KAZN: variants seen among roughly 807,000 people sequenced by gnomAD.
The protein encoded by KAZN is kazrin.
Under a neutral mutation model 87.4 loss-of-function variants are expected in KAZN, and 40 were observed. The ratio of observed to expected loss-of-function variants is 0.46; its 90% CI spans 0.36 to 0.60. The LOEUF is 0.60. Among genes scored for constraint, KAZN ranks in the 20% least tolerant of loss-of-function variants. The pLI, the probability that KAZN is intolerant of heterozygous loss-of-function variation, is 0.00. For missense variants in KAZN, 898 were observed against 1,073.9 expected, an observed-to-expected ratio of 0.84 and a Z score of 2.29; for synonymous variants, 466 against 458.3, an observed-to-expected ratio of 1.02 and a Z score of -0.22.
intron 2 of KAZN, among the ~76,000 whole-genome samples, chr1:14,556,823 C>T (rs1673910337): frequency 6.6e-6 from 1 of 152,142 alleles, no homozygotes; most frequent in South Asian, 2.1e-4. Flanking sequence ...GACATTCTAT[C>T]CCCGATTTTA....
At chr1:15,033,197 G>A (rs770553799) in intron 2 of KAZN, among the ~76,000 whole-genome samples, 1 of 152,146 alleles carries the variant, frequency 6.6e-6, no homozygotes, top group Non-Finnish European at 1.5e-5. Flanking sequence ...GTGGATTTTG[G>A]TGTCCACAGG....
At chr1:13,929,242 G>A (rs993709176) in intron 1 of KAZN, among the ~76,000 whole-genome samples, 2 of 152,020 alleles carry the variant, frequency 1.3e-5, no homozygotes, top group African/African-American at 2.4e-5. Context: ...GTGGAGTTGG[G>A]CCCCTTGGAC....
chr1:14,405,677 A>T (rs1017280000), intron 2 of KAZN, among the ~76,000 whole-genome samples: 5 of 150,468 alleles, frequency 3.3e-5, no homozygotes, highest in African/African-American at 1.2e-4. Flanking sequence ...TATTATAAGG[A>T]ATTGGCACTC....
chr1:14,075,805 C>T (rs1643433112), intron 1 of KAZN, among the ~76,000 whole-genome samples: 1 of 152,088 alleles, frequency 6.6e-6, no homozygotes. Context: ...TTAGCAGCAT[C>T]CTTGGCCTCT....
At chr1:13,895,571 T>C (rs1639007261) in intron 1 of KAZN, among the ~76,000 whole-genome samples, 1 of 150,998 alleles carries the variant, frequency 6.6e-6, no homozygotes, top group African/African-American at 2.4e-5. Flanking sequence ...TCATTAACCT[T>C]AAGTCAAAAG....
intron 1 of KAZN, among the ~76,000 whole-genome samples, chr1:14,008,551 C>T (rs562885164): frequency 7.9e-5 from 12 of 152,298 alleles, no homozygotes; most frequent in African/African-American, 2.4e-4. Flanking sequence ...GGGGATACAG[C>T]TCTGAAAAGG....
chr1:14,463,897 C>T (rs1203706458), intron 2 of KAZN, among the ~76,000 whole-genome samples: 1 of 152,208 alleles, frequency 6.6e-6, no homozygotes, highest in Non-Finnish European at 1.5e-5. Context: ...GTGACCCAGG[C>T]ATTCCCAGGA....
chr1:14,966,475 G>A (rs962924433), intron 2 of KAZN, among the ~76,000 whole-genome samples: 11 of 152,134 alleles, frequency 7.2e-5, no homozygotes, highest in African/African-American at 2.7e-4. Flanking sequence ...ACGCAGTTTT[G>A]TATTAATAGT....
intron 1 of KAZN, among the ~76,000 whole-genome samples, chr1:14,903,460 A>G (rs1366596024): frequency 6.6e-6 from 1 of 151,870 alleles, no homozygotes; most frequent in Admixed American, 6.6e-5. Flanking sequence ...GTCCTGGGGT[A>G]CTCTTCCTTT....
At chr1:14,455,828 G>A (rs764333668) in intron 2 of KAZN, among the ~76,000 whole-genome samples, 8 of 152,158 alleles carry the variant, frequency 5.3e-5, no homozygotes, top group Non-Finnish European at 4.4e-5. Context: ...CTCTGGCTCA[G>A]AGGGAGTTTG....
intron 1 of KAZN, among the ~76,000 whole-genome samples, chr1:14,729,777 G>A (rs1198474552): frequency 3.3e-5 from 5 of 152,146 alleles, no homozygotes; most frequent in African/African-American, 1.2e-4. Context: ...CCTGCAGCAG[G>A]GGGCACAAAC....
At chr1:14,766,657 G>C (rs1572428556) in intron 1 of KAZN, among the ~76,000 whole-genome samples, 1 of 147,932 alleles carries the variant, frequency 6.8e-6, no homozygotes, top group South Asian at 2.3e-4. Flanking sequence ...AGATGCTGAG[G>C]GCCAGTCCTC....
chr1:14,762,372 G>A (rs1462251746), intron 1 of KAZN, among the ~76,000 whole-genome samples: 1 of 152,148 alleles, frequency 6.6e-6, no homozygotes, highest in African/African-American at 2.4e-5. Context: ...GCCCAAGTTG[G>A]AGCTTGTTCT....
chr1:14,387,448 C>T (rs534764015), intron 2 of KAZN, among the ~76,000 whole-genome samples: 4 of 152,254 alleles, frequency 2.6e-5, no homozygotes, highest in South Asian at 4.1e-4. Flanking sequence ...GTGGTTTTAT[C>T]TACTTTTGGT....
chr1:14,294,122 T>A (rs928448109), intron 2 of KAZN, among the ~76,000 whole-genome samples: 7 of 152,156 alleles, frequency 4.6e-5, no homozygotes, highest in Non-Finnish European at 8.8e-5. Context: ...TTGGCCACGG[T>A]CACACAAGTA....
chr1:14,336,468 A>G lies in KAZN; in HGVS notation c.249+155876A>G, dbSNP rs79568450. Among the ~76,000 whole-genome samples, 42 of 152,314 alleles carry G rather than the reference A, an allele frequency of 2.8e-4. No individual in the cohort carries two copies. The East Asian group carries it at 4.8e-3, about 17-fold the overall frequency. On this transcript the variant is annotated intron_variant, in intron 2 of 16. Coordinates refer to the KAZN transcript ENST00000636203. ...TTGACAGTTTTCAATCCTTTTGAGT[A>G]TATATCTGGGAGTCAAATGACTGTG... is the stretch of plus-strand genomic sequence containing the variant.
chr1:14,249,181 A>C (rs926930765), intron 2 of KAZN, among the ~76,000 whole-genome samples: 1 of 152,210 alleles, frequency 6.6e-6, no homozygotes, highest in Non-Finnish European at 1.5e-5. Flanking sequence ...ACCATGCAGC[A>C]GTTGTTGTTC....
intron 2 of KAZN, among the ~76,000 whole-genome samples, chr1:14,386,676 G>T (rs1661924649): frequency 6.6e-6 from 1 of 152,174 alleles, no homozygotes; most frequent in South Asian, 2.1e-4. Context: ...TTTCTGCCGA[G>T]ATATCCGCTG....
At chr1:14,537,151 A>G (rs1299068349) in intron 2 of KAZN, among the ~76,000 whole-genome samples, 3 of 152,186 alleles carry the variant, frequency 2.0e-5, no homozygotes, top group Non-Finnish European at 4.4e-5. Flanking sequence ...TTTACACTCC[A>G]AATAACCGTC....
Sources: allele counts gnomAD v4.1 joint callset (sites outside exome capture counted in the v4.1 genomes callset), GRCh38; gene constraint gnomAD v4.1.1; transcripts MANE v1.5; gene names NCBI Gene and HGNC (gene_info 2026-07-23, HGNC 2026-07-21).